VPS8: variants seen among roughly 807,000 people sequenced by gnomAD.
VPS8 encodes the protein vacuolar protein sorting-associated protein 8 homolog.
In VPS8, 129 loss-of-function variants were observed where a neutral mutation model predicts 216.4. The ratio of observed to expected loss-of-function variants is 0.60; its 90% CI spans 0.52 to 0.69. The LOEUF (loss-of-function observed/expected upper bound fraction) is 0.69, where lower values mean the gene tolerates loss of function less well. VPS8 is among the 30% of genes least tolerant of loss of function. The pLI is 0.00. For missense variants in VPS8, 1,531 were observed against 1,683.5 expected (o/e 0.91, Z 1.59); for synonymous variants, 571 against 565.4 (o/e 1.01, Z -0.14).
chr3:184,988,662 C>T (rs957748649), intron 42 of VPS8, among the ~76,000 whole-genome samples: 2 of 152,154 alleles, frequency 1.3e-5, no homozygotes, highest in African/African-American at 2.4e-5. Flanking sequence ...CTTTAAACTT[C>T]AGAAACGGTT....
chr3:184,909,737 A>C (rs986165317), intron 25 of VPS8, among the ~76,000 whole-genome samples: 1 of 152,150 alleles, frequency 6.6e-6, no homozygotes, highest in Non-Finnish European at 1.5e-5. Flanking sequence ...CATTTTGTTC[A>C]TCCCAGGATT....
chr3:184,843,216 A>G (rs1722510429), intron 7 of VPS8, 24 bp from the exon 8 acceptor site: 3 of 1,432,824 alleles, frequency 2.1e-6, no homozygotes, highest in African/African-American at 2.9e-5. Flanking sequence ...ATCTTTCTTG[A>G]TCTTTTCTTC....
At chr3:184,982,101 C>T (rs1750302055) in intron 40 of VPS8, among the ~76,000 whole-genome samples, 1 of 151,306 alleles carries the variant, frequency 6.6e-6, no homozygotes, top group East Asian at 1.9e-4. Flanking sequence ...ACTCATTTTT[C>T]TTGCTTGACA....
chr3:184,838,572 C>T (rs1181419112), intron 5 of VPS8, 142 bp from the exon 6 acceptor site: 1 of 619,330 alleles, frequency 1.6e-6, no homozygotes, highest in Non-Finnish European at 2.7e-6. Context: ...TTTGTAATTT[C>T]TGTTAGTTGG....
chr3:184,920,199 G>GT lies in VPS8; in HGVS notation c.2454+2dup, dbSNP rs1214088327. On this transcript the variant is annotated splice_donor_variant, in intron 29 of 47. Coordinates refer to ENST00000625842, the MANE Select transcript of VPS8 (RefSeq NM_001009921.3). LOFTEE classifies it high-confidence loss of function. ...GCGAATTGTGGATATTTTGTTGAAA[G>GT]TAAGTATTCAAAGAATACATGTCTT... is the stretch of plus-strand genomic sequence containing the variant. The GT allele has an allele frequency of 6.6e-7, 1 of 1,517,378 alleles. No individual in the cohort carries two copies. The allele number at this position is 1,517,378 out of a possible 1,614,324, so 94.0% of individuals were successfully genotyped here.
chr3:184,903,333 T>TGA (rs1734910591), intron 25 of VPS8, among the ~76,000 whole-genome samples: 1 of 152,266 alleles, frequency 6.6e-6, no homozygotes, highest in Non-Finnish European at 1.5e-5. Context: ...AAAGCTCATT[T>TGA]GATTTTCTTT....
At chr3:184,870,841 T>A in intron 21 of VPS8, 36 bp downstream of exon 21, 1 of 1,546,394 alleles carries the variant, frequency 6.5e-7, no homozygotes, top group South Asian at 1.2e-5. Flanking sequence ...GACGATGCTC[T>A]GGATAGGTCT....
At chr3:184,920,385 G>A (rs1388265244) in intron 29 of VPS8, among the ~76,000 whole-genome samples, 187 bp downstream of exon 29, 1 of 152,130 alleles carries the variant, frequency 6.6e-6, no homozygotes, top group Non-Finnish European at 1.5e-5. Flanking sequence ...AAAATTTTTA[G>A]TGTATGTTGG....
At chr3:184,920,681 G>A (rs1387481041) in intron 29 of VPS8, among the ~76,000 whole-genome samples, 1 of 152,196 alleles carries the variant, frequency 6.6e-6, no homozygotes, top group Non-Finnish European at 1.5e-5. Context: ...GGAGAAAGCT[G>A]TCTTGAGATT....
intron 21 of VPS8, among the ~76,000 whole-genome samples, chr3:184,882,016 C>T (rs547284197): frequency 6.6e-6 from 1 of 151,630 alleles, no homozygotes; most frequent in Non-Finnish European, 1.5e-5. Flanking sequence ...CTCATGTCAT[C>T]TGCCAACAGA....
chr3:184,900,440 G>A (rs1443439478), intron 24 of VPS8, among the ~76,000 whole-genome samples: 2 of 152,190 alleles, frequency 1.3e-5, no homozygotes, highest in Non-Finnish European at 2.9e-5. Flanking sequence ...ATTTCCTGGT[G>A]CTAAGGATCA....
intron 46 of VPS8, among the ~76,000 whole-genome samples, chr3:185,041,318 T>C (rs1577258637): frequency 6.6e-6 from 1 of 152,030 alleles, no homozygotes; most frequent in East Asian, 1.9e-4. Context: ...TGGCTGTGGG[T>C]TTTGCGCTTG....
At chr3:184,917,863 C>T (rs1000329507) in intron 28 of VPS8, among the ~76,000 whole-genome samples, 3 of 152,156 alleles carry the variant, frequency 2.0e-5, no homozygotes, top group Non-Finnish European at 4.4e-5. Flanking sequence ...GGCTCATAAA[C>T]AACAGAAATG....
chr3:184,833,329 A>G (rs1245483758), intron 4 of VPS8, among the ~76,000 whole-genome samples: 1 of 152,228 alleles, frequency 6.6e-6, no homozygotes, highest in African/African-American at 2.4e-5. Context: ...ATGAAAAGGA[A>G]AGAGAATTGG....
At chr3:184,926,102 G>A (rs1057422104) in intron 30 of VPS8, among the ~76,000 whole-genome samples, 8 of 150,466 alleles carry the variant, frequency 5.3e-5, no homozygotes, top group Non-Finnish European at 1.0e-4. Context: ...CAGGCCGGAT[G>A]CGATGGCTCA....
At chr3:185,024,277 G>A in intron 45 of VPS8, 59 bp from the exon 46 acceptor site, 3 of 1,452,656 alleles carry the variant, frequency 2.1e-6, no homozygotes, top group South Asian at 1.3e-5. Context: ...TTGAATGTGG[G>A]TCAGACAAAA....
intron 10 of VPS8, among the ~76,000 whole-genome samples, chr3:184,852,133 G>A (rs1427983717): frequency 6.6e-6 from 1 of 152,128 alleles, no homozygotes; most frequent in Non-Finnish European, 1.5e-5. Flanking sequence ...CTTTAAAACT[G>A]GGCAGGTGTA....
chr3:184,863,197 C>A, intron 16 of VPS8, 130 bp downstream of exon 16: 1 of 1,119,774 alleles, frequency 8.9e-7, no homozygotes, highest in Non-Finnish European at 1.3e-6. Flanking sequence ...CTTTACAAGC[C>A]ACTAGGTTGA....
Position 184,994,073 on chromosome 3 carries a change from C to CTTACT in VPS8, c.3666+11_3666+12insTACTT. 1 of 1,510,400 alleles carries CTTACT rather than the reference C, an allele frequency of 6.6e-7. No individual in the cohort carries two copies. The highest frequency in any genetic ancestry group is 8.9e-7 in the Non-Finnish European group (1 of 1,121,638). 93.6% of individuals were successfully genotyped at this position (1,510,400 alleles called of 1,614,324 possible). On this transcript the variant is annotated intron_variant, in intron 43 of 47. Transcript: ENST00000625842. The stretch of plus-strand genomic sequence containing the variant: ...CTTTAACTATGAACAAGTAAGTAAG[C>CTTACT]TACTTGTTACATCTAAGTCTGTCCT...
Sources: allele counts gnomAD v4.1 joint callset (sites outside exome capture counted in the v4.1 genomes callset), GRCh38; gene constraint gnomAD v4.1.1; transcripts MANE v1.5; gene names NCBI Gene and HGNC (gene_info 2026-07-23, HGNC 2026-07-21).